RFTN2: variants seen among roughly 807,000 people sequenced by gnomAD.
RFTN2 encodes the protein raftlin-2.
RFTN2 carries 34 observed loss-of-function variants against 52.7 expected under a neutral mutation model. The observed-to-expected ratio is 0.64, with a 90% CI of 0.49 to 0.86. RFTN2 has a LOEUF of 0.86. Among genes scored for constraint, RFTN2 ranks in the 40% least tolerant of loss-of-function variants. The pLI, the probability that RFTN2 is intolerant of heterozygous loss-of-function variation, is 0.00. For synonymous variants in RFTN2, 203 were observed against 217.7 expected, an observed-to-expected ratio of 0.93 and a Z score of 0.59; for missense variants, 536 against 600.1, an observed-to-expected ratio of 0.89 and a Z score of 1.12.
chr2:197,590,379 G>A (rs2087683923), intron 8 of RFTN2, among the ~76,000 whole-genome samples: 1 of 152,132 alleles, frequency 6.6e-6, no homozygotes, highest in Non-Finnish European at 1.5e-5. Flanking sequence ...ACAGTCACAA[G>A]TATCTAGAAT....
At chr2:197,638,803 G>T (rs1297873663) in intron 3 of RFTN2, among the ~76,000 whole-genome samples, 9 of 129,410 alleles carry the variant, frequency 7.0e-5, no homozygotes, top group African/African-American at 2.1e-4. Context: ...TGGTTATTTT[G>T]CTCGTTAGTT....
chr2:197,665,474 T>C (rs930232412), intron 1 of RFTN2, among the ~76,000 whole-genome samples: 1 of 150,664 alleles, frequency 6.6e-6, no homozygotes, highest in Non-Finnish European at 1.5e-5. Flanking sequence ...AGAATTGTTA[T>C]ATCCTCTTGC....
chr2:197,627,622 T>C lies in RFTN2; in HGVS notation c.928+3389A>G, dbSNP rs115467029. ...AACAAGTGAAGTCTGAAAAGAATTCTTAAAAAATCAAAATGTAGCCTTAAG... is the reference window on the plus strand; with the variant it reads ...AACAAGTGAAGTCTGAAAAGAATTCCTAAAAAATCAAAATGTAGCCTTAAG... On this transcript the variant is annotated intron_variant, in intron 5 of 8. Transcript: ENST00000295049. Among the ~76,000 whole-genome samples, 731 of 152,268 alleles carry C rather than the reference T, an allele frequency of 4.8e-3. 6 individuals carry two copies. The highest frequency in any genetic ancestry group is 0.017 in the African/African-American group (700 of 41,556).
rs1332820967 is a variant in RFTN2, at chr2:197,572,170, C to T, written c.1344G>A (p.Glu448=). The T allele has an allele frequency of 4.3e-6, 7 of 1,614,250 alleles. No individual in the cohort carries two copies. The highest frequency in any genetic ancestry group is 1.7e-5 in the Admixed American group (1 of 60,028). ...SQPAESRHLP[E]ECRLSPSREC... is the part of the protein sequence containing the mutation. The stretch of plus-strand genomic sequence containing the variant: ...CCCGGGAGGGAGAAAGGCGGCACTC[C>T]TCAGGCAGGTGTCTGCTCTCTGCAG... The change falls in exon 9 of 9, where the codon GAG becomes GAA. Residue 448 remains glutamate, a synonymous_variant. Transcript: ENST00000295049.
intron 8 of RFTN2, among the ~76,000 whole-genome samples, chr2:197,585,492 T>C (rs530779705): frequency 5.6e-4 from 85 of 152,176 alleles, no homozygotes; most frequent in Non-Finnish European, 9.0e-4. Context: ...ACTCCAATAC[T>C]TTCACCCTGA....
At chr2:197,666,976 TTC>T (rs1211868221) in intron 1 of RFTN2, among the ~76,000 whole-genome samples, 6 of 152,266 alleles carry the variant, frequency 3.9e-5, no homozygotes, top group Admixed American at 2.0e-4. Context: ...GTTCCAAAAT[TTC>T]TGTTTGGTTC....
intron 5 of RFTN2, among the ~76,000 whole-genome samples, chr2:197,623,132 C>T (rs900840859): frequency 6.6e-6 from 1 of 152,170 alleles, no homozygotes; most frequent in African/African-American, 2.4e-5. Flanking sequence ...CTATAGCTGC[C>T]ATAGATAGTG....
chr2:197,617,971 C>G, intron 5 of RFTN2, 50 bp from the exon 6 acceptor site: 2 of 1,414,242 alleles, frequency 1.4e-6, no homozygotes, highest in South Asian at 2.9e-5. Context: ...CTAAGTGGCT[C>G]ATAAAACCAT....
At chr2:197,634,509 C>T (rs1417288879) in intron 3 of RFTN2, among the ~76,000 whole-genome samples, 1 of 151,908 alleles carries the variant, frequency 6.6e-6, no homozygotes, top group East Asian at 1.9e-4. Flanking sequence ...AAAGCACAAG[C>T]CCAATTTATA....
chr2:197,672,581 T>G (rs1170454086), intron 1 of RFTN2, among the ~76,000 whole-genome samples: 1 of 152,208 alleles, frequency 6.6e-6, no homozygotes, highest in East Asian at 1.9e-4. Context: ...AAGTGCTTAC[T>G]AACTGCCAGA....
intron 7 of RFTN2, among the ~76,000 whole-genome samples, chr2:197,601,926 C>T (rs2087887421): frequency 6.6e-6 from 1 of 152,106 alleles, no homozygotes; most frequent in Non-Finnish European, 1.5e-5. Flanking sequence ...AAAGATTAAT[C>T]ATTGAAAGCT....
intron 7 of RFTN2, among the ~76,000 whole-genome samples, chr2:197,613,165 GACAGGCCAAGC>G (rs2088091167): frequency 6.6e-6 from 1 of 152,070 alleles, no homozygotes; most frequent in Non-Finnish European, 1.5e-5. Flanking sequence ...CCTGATTTAG[GACAGGCCAAGC>G]TACCATCCCT....
At chr2:197,669,299 G>A (rs1241260325) in intron 1 of RFTN2, among the ~76,000 whole-genome samples, 1 of 150,710 alleles carries the variant, frequency 6.6e-6, no homozygotes, top group Non-Finnish European at 1.5e-5. Flanking sequence ...AGACCACAGA[G>A]TTTTCTCTCT....
chr2:197,650,903 C>T (rs1276191302), intron 1 of RFTN2, among the ~76,000 whole-genome samples: 1 of 152,134 alleles, frequency 6.6e-6, no homozygotes, highest in Non-Finnish European at 1.5e-5. Flanking sequence ...TTTTACATTC[C>T]CACCAACAGT....
At chr2:197,616,936 A>G (rs932049628) in intron 6 of RFTN2, among the ~76,000 whole-genome samples, 1 of 152,194 alleles carries the variant, frequency 6.6e-6, no homozygotes, top group Non-Finnish European at 1.5e-5. Flanking sequence ...GGCCTCAAAC[A>G]CAAAACAGAA....
At chr2:197,624,337 T>C (rs1028045859) in intron 5 of RFTN2, among the ~76,000 whole-genome samples, 5 of 152,004 alleles carry the variant, frequency 3.3e-5, no homozygotes, top group East Asian at 1.9e-4. Context: ...CGGTGACTCA[T>C]GCCTGTAATC....
intron 1 of RFTN2, among the ~76,000 whole-genome samples, chr2:197,665,992 C>A (rs1376670065): frequency 1.3e-5 from 2 of 151,770 alleles, no homozygotes; most frequent in African/African-American, 4.8e-5. Flanking sequence ...CTTTCATTTT[C>A]CAGGTTTAGA....
intron 5 of RFTN2, among the ~76,000 whole-genome samples, chr2:197,620,953 A>G (rs1340486301): frequency 6.6e-6 from 1 of 152,200 alleles, no homozygotes; most frequent in African/African-American, 2.4e-5. Context: ...GTGACAGAGC[A>G]AGACTCCATC....
chr2:197,593,595 A>C (rs2087750202), intron 8 of RFTN2, among the ~76,000 whole-genome samples: 1 of 152,130 alleles, frequency 6.6e-6, no homozygotes, highest in Non-Finnish European at 1.5e-5. Context: ...GAATGTTAAA[A>C]AGAAAGAAAG....
Sources: gnomAD v4.1 joint callset for allele counts (sites outside exome capture counted in the v4.1 genomes callset) on GRCh38, gnomAD v4.1.1 for gene constraint, MANE v1.5 for transcripts, NCBI Gene and HGNC (gene_info 2026-07-23, HGNC 2026-07-21) for gene names.